Variants in DLG5 observed in about 807,000 individuals in gnomAD.
DLG5 encodes the protein disks large homolog 5.
In DLG5, 48 loss-of-function variants were observed where a neutral mutation model predicts 189.8. The observed-to-expected ratio is 0.25, with a 90% CI of 0.20 to 0.32. The LOEUF (loss-of-function observed/expected upper bound fraction) is 0.32, where lower values mean the gene tolerates loss of function less well. Ranked by LOEUF, DLG5 falls within the 10% of genes least tolerant of loss-of-function variation. DLG5 has a pLI of 1.00. For missense variants in DLG5, 2,160 were observed against 2,544.7 expected (o/e 0.85, Z 3.25); for synonymous variants, 1,016 against 1,054.1 (o/e 0.96, Z 0.70).
At chr10:77,876,105 T>C (rs1270809602) in intron 1 of DLG5, among the ~76,000 whole-genome samples, 1 of 152,126 alleles carries the variant, frequency 6.6e-6, no homozygotes, top group Non-Finnish European at 1.5e-5. Flanking sequence ...AATATTTGTT[T>C]TCCTCAACTG....
intron 1 of DLG5, among the ~76,000 whole-genome samples, chr10:77,920,410 C>T (rs753866496): frequency 1.1e-4 from 16 of 152,236 alleles, no homozygotes; most frequent in Non-Finnish European, 1.3e-4. Context: ...ACTGTATTAT[C>T]GCACAAAGGT....
At chr10:77,909,056 A>G (rs924070380) in intron 1 of DLG5, among the ~76,000 whole-genome samples, 20 of 152,212 alleles carry the variant, frequency 1.3e-4, no homozygotes, top group African/African-American at 4.3e-4. Flanking sequence ...TTCATGGTAG[A>G]TATCTTTCCA....
At chr10:77,802,956 T>A (rs780613928) in intron 27 of DLG5, among the ~76,000 whole-genome samples, 2 of 152,096 alleles carry the variant, frequency 1.3e-5, no homozygotes, top group African/African-American at 4.8e-5. Flanking sequence ...AGAAAAGAGA[T>A]AAATGGAGTT....
At position 77,916,904 on chromosome 10, in the gene DLG5, A is replaced by AATATATATATATATATATAT. The variant is rs55841913; in HGVS notation, c.304+9293_304+9312dup. ...AGGTAAAGAAACAAATAAAATATAG[A>AATATATATATATATATATAT]ATATATATATATATATATATATGAA... is the stretch of plus-strand genomic sequence containing the variant. On this transcript the variant is annotated intron_variant, in intron 1 of 31. Transcript: ENST00000372391. Among the ~76,000 whole-genome samples, 251 of 129,002 alleles carry AATATATATATATATATATAT rather than the reference A, an allele frequency of 1.9e-3. 4 individuals carry two copies. The highest frequency in any genetic ancestry group is 4.9e-3 in the East Asian group (19 of 3,898). The allele number at this position is 129,002 out of a possible 152,430, so 84.6% of individuals were successfully genotyped here. A position where few individuals can be genotyped will look rare whatever the true frequency, so the allele number is the denominator to read the frequency against.
chr10:77,894,195 G>C (rs920947399), intron 1 of DLG5, among the ~76,000 whole-genome samples: 1 of 152,176 alleles, frequency 6.6e-6, no homozygotes, highest in Non-Finnish European at 1.5e-5. Context: ...ATTGCAGAGG[G>C]GCTACCTGTG....
At chr10:77,882,156 G>A (rs1039724399) in intron 1 of DLG5, among the ~76,000 whole-genome samples, 6 of 152,176 alleles carry the variant, frequency 3.9e-5, no homozygotes, top group East Asian at 1.9e-4. Context: ...GTTTGAACTC[G>A]TCAGGACCCC....
In DLG5 at chr10:77,821,794, G is replaced by A. The variant is rs1202074294; in HGVS notation, c.2690C>T (p.Ser897Leu). ...ASERSLSSFR[S>L]DASGDRGFGL... is the part of the protein sequence containing the mutation. ...AAAGCCACGGTCCCCAGAGGCATCT[G>A]AGCGGAAGGAGCTCAGGCTACGCTC... Residue 897 changes from serine (S) to leucine (L), a missense_variant, in exon 15 of 32, where the codon TCA becomes TTA. Ser to Leu is a moderately radical substitution (Grantham distance 145). Coordinates refer to ENST00000372391, the MANE Select transcript of DLG5 (RefSeq NM_004747.4). 1 of 1,611,760 alleles carries A rather than the reference G, an allele frequency of 6.2e-7. No homozygotes were observed. Among genetic ancestry groups the A allele is most frequent in the Non-Finnish European group, 8.5e-7 (1 of 1,179,050 alleles).
intron 1 of DLG5, among the ~76,000 whole-genome samples, chr10:77,876,724 A>AGGGAGGGAGGGAGGGAGGGGGGGG (rs1845106971): frequency 2.2e-5 from 1 of 44,732 alleles, no homozygotes; most frequent in Non-Finnish European, 4.2e-5. Context: ...GGAGGGAGGG[A>AGGGAGGGAGGGAGGGAGGGGGGGG]GGGAAGGAAG....
chr10:77,869,300 C>T lies in DLG5; in HGVS notation c.305-103G>A, dbSNP rs915640386. ...AATGCCAGGCCATGAGAGCTACATG[C>T]ACCAGGCACTAGAAATCCACATCCA... On this transcript the variant is annotated intron_variant, in intron 1 of 31. Transcript: ENST00000372391. 19 of 1,073,060 alleles carry T rather than the reference C, an allele frequency of 1.8e-5. No homozygotes were observed. In the African/African-American group the frequency reaches 2.7e-4, roughly 15 times the overall value. 66.5% of individuals were successfully genotyped at this position (1,073,060 alleles called of 1,614,324 possible).
At chr10:77,896,184 TAAC>T (rs1845753591) in intron 1 of DLG5, among the ~76,000 whole-genome samples, 1 of 152,058 alleles carries the variant, frequency 6.6e-6, no homozygotes, top group Admixed American at 6.6e-5. Context: ...GTCTATATCA[TAAC>T]AACGTGTTCT....
chr10:77,867,934 A>C (rs968571041), intron 2 of DLG5: 1 of 456,672 alleles, frequency 2.2e-6, no homozygotes, highest in Non-Finnish European at 4.4e-6. Context: ...GGAAATTTGG[A>C]GACAGACACA....
intron 1 of DLG5, among the ~76,000 whole-genome samples, chr10:77,888,601 A>G (rs778998405): frequency 1.2e-4 from 19 of 152,198 alleles, no homozygotes; most frequent in Non-Finnish European, 1.2e-4. Flanking sequence ...CTTTTTCATT[A>G]TAAGTCCATT....
Position 77,794,460 on chromosome 10 carries a change from G to A in DLG5, c.5547-343C>T, listed in dbSNP as rs190873924. Among the ~76,000 whole-genome samples the A allele has an allele frequency of 3.8e-4, 58 of 152,336 alleles. 1 individual carries two copies. In the East Asian group the frequency reaches 5.0e-3, roughly 13 times the overall value. On this transcript the variant is annotated intron_variant, in intron 30 of 31. Coordinates refer to ENST00000372391, the MANE Select transcript of DLG5 (RefSeq NM_004747.4). Reference sequence around the variant, plus strand: ...GGAGCCGAAGCTCAGCGAAGGCAACGGCTCCTGAGTCATGAGCCAGCTCGG... The same window carrying A: ...GGAGCCGAAGCTCAGCGAAGGCAACAGCTCCTGAGTCATGAGCCAGCTCGG...
chr10:77,807,804 G>A lies in DLG5; in HGVS notation c.4788C>T (p.Phe1596=). 1 of 1,613,544 alleles carries A rather than the reference G, an allele frequency of 6.2e-7. No homozygotes were observed. Among genetic ancestry groups the A allele is most frequent in the Non-Finnish European group, 8.5e-7 (1 of 1,179,620 alleles). ...TCCCCAGCCACTGGTACCTGATGTA[G>A]AAGCTGTCACCAGGCAGGCCCTTGG... ...TKAKGLPGDS[F]YIRALYDRLA... The change falls in exon 25 of 32, where the codon TTC becomes TTT. Residue 1596 remains phenylalanine (F), a synonymous_variant. Coordinates refer to ENST00000372391, the MANE Select transcript of DLG5 (RefSeq NM_004747.4).
rs1165348920 is a variant in DLG5, at chr10:77,821,132, T to C, written c.3352A>G (p.Ser1118Gly). Residue 1118 changes from serine (S) to glycine (G), a missense_variant, in exon 15 of 32, where the codon AGT becomes GGT. Physicochemically the swap from Ser to Gly is moderately conservative, Grantham distance 56. Transcript: ENST00000372391. ...ACTGGAGCAAGCTTCGGCCGAAAAC[T>C]GGGAGCAGATTTTGGCCGGCGACGC... ...QKRRRPKSAP[S>G]FRPKLAPVVI... The C allele has an allele frequency of 1.2e-6, 2 of 1,614,072 alleles. No individual in the cohort carries two copies. The highest frequency in any genetic ancestry group is 1.7e-6 in the Non-Finnish European group (2 of 1,180,038).
the DLG5 span, among the ~76,000 whole-genome samples, chr10:77,936,446 C>CAAA: frequency 2.5e-4 from 13 of 52,128 alleles, no homozygotes; most frequent in East Asian, 6.3e-4. Flanking sequence ...CAAAACAAAA[C>CAAA]AAAAAAAAAA....
chr10:77,819,649 G>C, intron 16 of DLG5, 184 bp from the exon 17 acceptor site: 9 of 1,036,980 alleles, frequency 8.7e-6, no homozygotes, highest in Non-Finnish European at 1.2e-5. Context: ...TTTGTAAAAA[G>C]GGGGGAAGTC....
At chr10:77,801,418 GA>G (rs34431478) in intron 27 of DLG5, among the ~76,000 whole-genome samples, 39,827 of 151,914 alleles carry the variant, frequency 0.26, 5,667 homozygotes, top group Admixed American at 0.39. Flanking sequence ...GAGAAAGAAA[GA>G]AGTGGAAAAT....
chr10:77,906,579 C>T (rs145861863), intron 1 of DLG5, among the ~76,000 whole-genome samples: 114 of 150,360 alleles, frequency 7.6e-4, no homozygotes, highest in Middle Eastern at 7.0e-3. Flanking sequence ...CCAAGGAGGT[C>T]GACTGTTCAG....
Sources: allele counts gnomAD v4.1 joint callset (sites outside exome capture counted in the v4.1 genomes callset), GRCh38; gene constraint gnomAD v4.1.1; transcripts MANE v1.5; gene names NCBI Gene and HGNC (gene_info 2026-07-23, HGNC 2026-07-21).